TAFA2: variants seen among roughly 807,000 people sequenced by gnomAD.
TAFA2 encodes chemokine-like protein TAFA-2.
TAFA2 carries 7 observed loss-of-function variants against 18.8 expected under a neutral mutation model. The observed-to-expected ratio is 0.37, with a 90% CI of 0.21 to 0.70. The LOEUF (loss-of-function observed/expected upper bound fraction) is 0.70, where lower values mean the gene tolerates loss of function less well. Among genes scored for constraint, TAFA2 ranks in the 30% least tolerant of loss-of-function variants. TAFA2 has a pLI of 0.53. For missense variants in TAFA2, 122 were observed against 158.1 expected, an observed-to-expected ratio of 0.77 and a Z score of 1.23; for synonymous variants, 60 against 54.2, an observed-to-expected ratio of 1.11 and a Z score of -0.47.
intron 2 of TAFA2, among the ~76,000 whole-genome samples, chr12:61,825,129 T>G (rs12296389): frequency 0.024 from 3,683 of 152,194 alleles, 149 homozygotes; most frequent in African/African-American, 0.084. Flanking sequence ...AGAGAACAAG[T>G]GATTTGGGCT....
intron 1 of TAFA2, among the ~76,000 whole-genome samples, chr12:62,163,813 G>A (rs1226764375): frequency 6.6e-6 from 1 of 151,884 alleles, no homozygotes; most frequent in African/African-American, 2.4e-5. Context: ...CAAAAAGCTG[G>A]ACAAAGTAAA....
chr12:62,150,866 G>A (rs147743678), intron 1 of TAFA2, among the ~76,000 whole-genome samples: 1 of 151,686 alleles, frequency 6.6e-6, no homozygotes, highest in African/African-American at 2.4e-5. Context: ...CTTCAGCCTG[G>A]GCAACACAGT....
At chr12:61,823,336 C>A (rs1457594564) in intron 2 of TAFA2, among the ~76,000 whole-genome samples, 2 of 152,026 alleles carry the variant, frequency 1.3e-5, no homozygotes, top group African/African-American at 4.8e-5. Context: ...CCGCACCCAG[C>A]CCTAACGTTT....
intron 1 of TAFA2, among the ~76,000 whole-genome samples, chr12:62,198,751 C>T (rs577038826): frequency 3.3e-5 from 5 of 152,244 alleles, no homozygotes; most frequent in East Asian, 3.9e-4. Flanking sequence ...TCCACACAAC[C>T]CAAGGTTACA....
At chr12:61,735,136 G>A (rs964079548) in intron 4 of TAFA2, among the ~76,000 whole-genome samples, 1 of 152,000 alleles carries the variant, frequency 6.6e-6, no homozygotes. Flanking sequence ...CAAGCAGGAA[G>A]TCATTTATGT....
intron 1 of TAFA2, among the ~76,000 whole-genome samples, chr12:62,132,085 A>G (rs1212581026): frequency 6.6e-6 from 1 of 150,690 alleles, no homozygotes; most frequent in Non-Finnish European, 1.5e-5. Context: ...AAAAAAAAAA[A>G]GAATTTAAAA....
chr12:61,963,158 C>T (rs1470494237), intron 1 of TAFA2, among the ~76,000 whole-genome samples: 1 of 151,968 alleles, frequency 6.6e-6, no homozygotes, highest in Non-Finnish European at 1.5e-5. Context: ...CATGTCTTTG[C>T]TATTGTGAAC....
At chr12:61,773,954 C>A (rs1870144529) in intron 2 of TAFA2, among the ~76,000 whole-genome samples, 2 of 151,986 alleles carry the variant, frequency 1.3e-5, no homozygotes. Context: ...AACTATGCAT[C>A]CCTCAAAGGA....
intron 2 of TAFA2, among the ~76,000 whole-genome samples, chr12:61,793,805 A>G (rs1434375317): frequency 1.3e-5 from 2 of 151,906 alleles, no homozygotes; most frequent in Admixed American, 6.6e-5. Context: ...AAACCATGGG[A>G]AAATATCCCA....
intron 1 of TAFA2, among the ~76,000 whole-genome samples, chr12:61,934,350 A>T (rs77616552): frequency 0.014 from 2,124 of 152,280 alleles, 67 homozygotes; most frequent in African/African-American, 0.048. Flanking sequence ...CCAGGATCAC[A>T]AAATTCCAGA....
Position 61,814,459 on chromosome 12 carries a change from T to G in TAFA2, c.106+52861A>C, listed in dbSNP as rs1008188150. 4.0e-5 allele frequency among the ~76,000 whole-genome samples: 6 copies of G among 151,312 alleles called. No individual in the cohort carries two copies. The South Asian group carries it at 6.2e-4, about 16-fold the overall frequency. ...CAGGGAACGGTGTGGTTAAACTCTC[T>G]CTGAATCTGGTCAAGATCTGATTCA... On this transcript the variant is annotated intron_variant, in intron 2 of 4. Coordinates refer to ENST00000416284, the MANE Select transcript of TAFA2 (RefSeq NM_178539.5).
At chr12:61,767,923 TA>T (rs1869859466) in intron 2 of TAFA2, among the ~76,000 whole-genome samples, 1 of 152,120 alleles carries the variant, frequency 6.6e-6, no homozygotes, top group African/African-American at 2.4e-5. Context: ...AATGTCCTCT[TA>T]AAAATGACTT....
chr12:62,078,416 G>GAA (rs71450573), intron 1 of TAFA2, among the ~76,000 whole-genome samples: 16,025 of 143,366 alleles, frequency 0.11, 1,049 homozygotes, highest in Non-Finnish European at 0.14. Context: ...AGTATAATTG[G>GAA]AAAAAAAAAA....
chr12:61,753,682 T>C lies in TAFA2; in HGVS notation c.324A>G (p.Lys108=), dbSNP rs1354450952. 1.2e-6 allele frequency: 2 copies of C among 1,612,296 alleles called. No homozygotes were observed. The change falls in exon 4 of 5, where the codon AAA becomes AAG. Residue 108 remains lysine (K), a synonymous_variant. Transcript: ENST00000416284. ...MQPCLEGEEC[K]VLPDRKGWSC... ...TCCATCCTTTCCGATCCGGAAGAAC[T>C]TTACATTCTTCTCCCTCTAGACATG... is the stretch of plus-strand genomic sequence containing the variant.
At chr12:62,096,962 A>G (rs899908245) in intron 1 of TAFA2, among the ~76,000 whole-genome samples, 2 of 152,232 alleles carry the variant, frequency 1.3e-5, no homozygotes, top group Admixed American at 6.6e-5. Context: ...GACATTTTGC[A>G]TATCTCTCTC....
At chr12:62,129,158 C>A (rs1407773336) in intron 1 of TAFA2, among the ~76,000 whole-genome samples, 1 of 151,942 alleles carries the variant, frequency 6.6e-6, no homozygotes, top group African/African-American at 2.4e-5. Context: ...CAAACTTTAT[C>A]TAAATGGCAG....
chr12:61,983,891 A>G (rs1251932089), intron 1 of TAFA2, among the ~76,000 whole-genome samples: 1 of 152,118 alleles, frequency 6.6e-6, no homozygotes, highest in African/African-American at 2.4e-5. Context: ...TGACTACACC[A>G]AGCATCCCAG....
At chr12:61,741,281 T>C (rs1218768421) in intron 4 of TAFA2, among the ~76,000 whole-genome samples, 1 of 151,470 alleles carries the variant, frequency 6.6e-6, no homozygotes, top group African/African-American at 2.4e-5. Flanking sequence ...TGTGTGTGTG[T>C]GTGAGTGTGT....
intron 1 of TAFA2, among the ~76,000 whole-genome samples, chr12:62,227,577 T>G (rs1328314507): frequency 1.3e-5 from 2 of 152,220 alleles, no homozygotes; most frequent in Non-Finnish European, 2.9e-5. Flanking sequence ...GTAGGTTGTC[T>G]TTTCTCTTTG....
Sources: gnomAD v4.1 joint callset for allele counts (sites outside exome capture counted in the v4.1 genomes callset) on GRCh38, gnomAD v4.1.1 for gene constraint, MANE v1.5 for transcripts, NCBI Gene and HGNC (gene_info 2026-07-23, HGNC 2026-07-21) for gene names.